The following NXPH1 variants were observed in gnomAD, a reference collection of about 807,000 sequenced individuals.
NXPH1 encodes neurexophilin 1.
Under a neutral mutation model 23.7 loss-of-function variants are expected in NXPH1, and 5 were observed. The ratio of observed to expected loss-of-function variants is 0.21; its 90% confidence interval spans 0.11 to 0.44. The LOEUF (loss-of-function observed/expected upper bound fraction) is 0.44, where lower values mean the gene tolerates loss of function less well. Ranked by LOEUF, NXPH1 falls within the 20% of genes least tolerant of loss-of-function variation. The probability of loss-of-function intolerance (pLI) is 0.99; values close to 1 mark genes in which losing one functional copy is unlikely to be tolerated. For synonymous variants in NXPH1, 144 were observed against 122.2 expected (o/e 1.18, Z -1.18); for missense variants, 324 against 321.6 (o/e 1.01, Z -0.06).
At chr7:8,647,841 C>A (rs1288322235) in intron 2 of NXPH1, among the ~76,000 whole-genome samples, 3 of 151,150 alleles carry the variant, frequency 2.0e-5, no homozygotes, top group Admixed American at 1.3e-4. Context: ...TTATCCCTAA[C>A]CCATTATCTT....
At chr7:8,656,695 C>G (rs1344721305) in intron 2 of NXPH1, among the ~76,000 whole-genome samples, 2 of 150,988 alleles carry the variant, frequency 1.3e-5, no homozygotes, top group African/African-American at 4.9e-5. Flanking sequence ...CCTCCCCGCT[C>G]CCCCCACCCC....
chr7:8,476,896 T>G (rs556344479), intron 2 of NXPH1, among the ~76,000 whole-genome samples: 1 of 152,246 alleles, frequency 6.6e-6, no homozygotes, highest in South Asian at 2.1e-4. Context: ...ATAGAACTAT[T>G]CCCAGAGCTG....
intron 2 of NXPH1, among the ~76,000 whole-genome samples, chr7:8,514,671 G>A (rs1584204137): frequency 6.6e-6 from 1 of 152,104 alleles, no homozygotes; most frequent in African/African-American, 2.4e-5. Flanking sequence ...TAGACTCTTA[G>A]CTTGTGAGAT....
rs1294272333 is a variant in NXPH1, at chr7:8,751,415, G to A, written c.462G>A (p.Arg154=). ...HGNGTFSVYF[R]HNSTGQGNVS... is the part of the protein sequence containing the mutation. Reference sequence around the variant, plus strand: ...ATGGGACATTTAGTGTTTATTTCAGGCATAATTCAACTGGTCAAGGGAATG... The same window carrying A: ...ATGGGACATTTAGTGTTTATTTCAGACATAATTCAACTGGTCAAGGGAATG... Residue 154 remains arginine, a synonymous_variant, in exon 3 of 3, where the codon AGG becomes AGA. Coordinates refer to ENST00000405863, the MANE Select transcript of NXPH1 (RefSeq NM_152745.3). The surrounding 1 kb of genome is among the most constrained non-coding windows in gnomAD (Gnocchi z 4.5). 1 of 1,613,834 alleles carries A rather than the reference G, an allele frequency of 6.2e-7. No homozygotes were observed. The highest frequency in any genetic ancestry group is 8.5e-7 in the Non-Finnish European group (1 of 1,179,848).
At chr7:8,657,025 A>G (rs1032521178) in intron 2 of NXPH1, among the ~76,000 whole-genome samples, 4 of 152,146 alleles carry the variant, frequency 2.6e-5, no homozygotes, top group Admixed American at 1.3e-4. Context: ...CAGCTGGTGG[A>G]TCTTTGATTC....
chr7:8,543,330 C>A (rs1490909504), intron 2 of NXPH1, among the ~76,000 whole-genome samples: 1 of 151,592 alleles, frequency 6.6e-6, no homozygotes, highest in African/African-American at 2.4e-5. Flanking sequence ...CTATGGACTT[C>A]TCCTCTATTA....
intron 2 of NXPH1, among the ~76,000 whole-genome samples, chr7:8,736,272 A>G (rs1236232360): frequency 1.3e-5 from 2 of 152,192 alleles, no homozygotes; most frequent in African/African-American, 4.8e-5. Flanking sequence ...ATTTAGTGCT[A>G]TAAATTTCCC....
intron 2 of NXPH1, among the ~76,000 whole-genome samples, chr7:8,701,031 C>T (rs1426881563): frequency 6.6e-6 from 1 of 151,910 alleles, no homozygotes; most frequent in East Asian, 1.9e-4. Context: ...AAAGTTTCAC[C>T]ACTCTCTCAA....
chr7:8,727,821 GCTCTTTTTTGGTTCCATATGAA>G (rs1780082252), intron 2 of NXPH1, among the ~76,000 whole-genome samples: 1 of 151,970 alleles, frequency 6.6e-6, no homozygotes, highest in South Asian at 2.1e-4. Flanking sequence ...GGTGATGCGG[GCTCTTTTTTGGTTCCATATGAA>G]CTTTAAAGTA....
At chr7:8,585,205 T>C (rs775692869) in intron 2 of NXPH1, among the ~76,000 whole-genome samples, 2 of 152,222 alleles carry the variant, frequency 1.3e-5, no homozygotes, top group Non-Finnish European at 1.5e-5. Flanking sequence ...TTCTTTCTTC[T>C]GTGTTTTTAA....
intron 2 of NXPH1, among the ~76,000 whole-genome samples, chr7:8,683,709 T>C (rs536335952): frequency 2.0e-4 from 31 of 152,328 alleles, no homozygotes; most frequent in African/African-American, 7.5e-4. Flanking sequence ...CATTAACTAC[T>C]ATTACTTTTG....
intron 2 of NXPH1, among the ~76,000 whole-genome samples, chr7:8,599,775 A>G (rs567655290): frequency 4.0e-5 from 6 of 151,096 alleles, no homozygotes; most frequent in East Asian, 2.0e-4. Flanking sequence ...ACTTGTTCAT[A>G]ACTTGTGCCC....
chr7:8,564,445 C>G (rs1295624679), intron 2 of NXPH1, among the ~76,000 whole-genome samples: 1 of 151,696 alleles, frequency 6.6e-6, no homozygotes, highest in African/African-American at 2.4e-5. Flanking sequence ...CAACTGCTGC[C>G]AGAAGCTGTG....
At chr7:8,639,836 A>T (rs573605439) in intron 2 of NXPH1, among the ~76,000 whole-genome samples, 32 of 152,152 alleles carry the variant, frequency 2.1e-4, no homozygotes, top group Non-Finnish European at 4.0e-4. Context: ...GCCATGTAAG[A>T]AGTGCCTTTC....
intron 2 of NXPH1, among the ~76,000 whole-genome samples, chr7:8,605,932 T>C (rs1819477916): frequency 6.6e-6 from 1 of 152,138 alleles, no homozygotes; most frequent in Non-Finnish European, 1.5e-5. Context: ...TTTTCTTCCA[T>C]ACAATAAATA....
chr7:8,484,783 GA>G (rs1401464382), intron 2 of NXPH1, among the ~76,000 whole-genome samples: 1 of 151,994 alleles, frequency 6.6e-6, no homozygotes, highest in African/African-American at 2.4e-5. Flanking sequence ...TTTAATCAGG[GA>G]AAAATATTGC....
chr7:8,674,188 CACACACACACACACA>C (rs1820913823), intron 2 of NXPH1, among the ~76,000 whole-genome samples: 2 of 145,976 alleles, frequency 1.4e-5, no homozygotes, highest in Admixed American at 6.9e-5. Context: ...CACACACACA[CACACACACACACACA>C]CCTATGCAAT....
In NXPH1 at chr7:8,653,100, G is replaced by A. The variant is rs573196246; in HGVS notation, c.55-97908G>A. On this transcript the variant is annotated intron_variant, in intron 2 of 2. Coordinates refer to ENST00000405863, the MANE Select transcript of NXPH1 (RefSeq NM_152745.3). ...GAAGAACTTTTTCACTTTCTGGAGC[G>A]TTTTTCACATTCTCTGCTTTTTTTT... Among the ~76,000 whole-genome samples, 9 of 150,836 alleles carry A rather than the reference G, an allele frequency of 6.0e-5. No homozygotes were observed. In the South Asian group the frequency reaches 8.4e-4, roughly 14 times the overall value.
At chr7:8,643,380 A>G in intron 2 of NXPH1, among the ~76,000 whole-genome samples, 1 of 152,282 alleles carries the variant, frequency 6.6e-6, no homozygotes. Context: ...AAACTGCTGA[A>G]TTGTTGCTAA....
Sources: gnomAD v4.1 joint callset for allele counts (sites outside exome capture counted in the v4.1 genomes callset) on GRCh38, gnomAD v4.1.1 for gene constraint, Gnocchi (gnomAD v3.1) non-coding constraint, MANE v1.5 for transcripts, NCBI Gene and HGNC (gene_info 2026-07-23, HGNC 2026-07-21) for gene names.